ATRNL1: variants seen among roughly 807,000 people sequenced by gnomAD.
The protein encoded by ATRNL1 is attractin-like protein 1.
In ATRNL1, 95 loss-of-function variants were observed where a neutral mutation model predicts 182.7. That is an observed-to-expected ratio of 0.52 (90% confidence interval 0.44 to 0.62). The LOEUF is 0.62. Ranked by LOEUF, ATRNL1 falls within the 20% of genes least tolerant of loss-of-function variation. The probability of loss-of-function intolerance (pLI) is 0.00; values close to 1 mark genes in which losing one functional copy is unlikely to be tolerated. For synonymous variants in ATRNL1, 576 were observed against 568.3 expected, an observed-to-expected ratio of 1.01 and a Z score of -0.19; for missense variants, 1,471 against 1,679.5, an observed-to-expected ratio of 0.88 and a Z score of 2.17.
intron 26 of ATRNL1, among the ~76,000 whole-genome samples, chr10:115,559,730 G>A (rs140462161): frequency 2.6e-5 from 4 of 152,092 alleles, no homozygotes; most frequent in African/African-American, 9.7e-5. Context: ...CAACAAATTA[G>A]GAATGAAAAG....
intron 21 of ATRNL1, among the ~76,000 whole-genome samples, chr10:115,427,082 A>G (rs536819857): frequency 6.6e-6 from 1 of 152,216 alleles, no homozygotes; most frequent in South Asian, 2.1e-4. Context: ...GTACCATTTT[A>G]CATTCCCACC....
At chr10:115,658,634 A>C (rs1184634251) in intron 26 of ATRNL1, among the ~76,000 whole-genome samples, 1 of 152,122 alleles carries the variant, frequency 6.6e-6, no homozygotes, top group African/African-American at 2.4e-5. Flanking sequence ...GGAGGATATC[A>C]GTTCAGGCAC....
chr10:115,765,648 C>A (rs2960696), intron 27 of ATRNL1, among the ~76,000 whole-genome samples: 144,681 of 152,266 alleles, frequency 0.95, 69,155 homozygotes, highest in East Asian at 1. Context: ...TTAATGAAGT[C>A]TAGTTTATCA....
intron 8 of ATRNL1, among the ~76,000 whole-genome samples, chr10:115,184,867 C>T (rs1440143935): frequency 7.2e-5 from 11 of 151,890 alleles, no homozygotes; most frequent in Non-Finnish European, 1.6e-4. Context: ...CAGTATTTGA[C>T]TATGTGCTCT....
At chr10:115,316,574 A>G (rs180997840) in intron 18 of ATRNL1, among the ~76,000 whole-genome samples, 23 of 151,986 alleles carry the variant, frequency 1.5e-4, no homozygotes, top group African/African-American at 5.5e-4. Context: ...GCTAACATCT[A>G]TTGTTTCTTG....
At chr10:115,212,267 G>A (rs767708797) in intron 8 of ATRNL1, among the ~76,000 whole-genome samples, 20 of 148,174 alleles carry the variant, frequency 1.3e-4, no homozygotes, top group South Asian at 2.1e-4. Context: ...AGCCTATCCC[G>A]TTAGTTTTTA....
intron 26 of ATRNL1, among the ~76,000 whole-genome samples, chr10:115,608,401 G>A (rs2133958662): frequency 6.6e-6 from 1 of 152,134 alleles, no homozygotes; most frequent in South Asian, 2.1e-4. Flanking sequence ...TCTGAACTAT[G>A]AAGTTCTGTA....
At chr10:115,656,739 G>A (rs552827339) in intron 26 of ATRNL1, among the ~76,000 whole-genome samples, 26 of 152,276 alleles carry the variant, frequency 1.7e-4, no homozygotes, top group African/African-American at 6.0e-4. Flanking sequence ...TGACCCCCAA[G>A]TTGTGATTGT....
At chr10:115,639,816 G>T (rs73377515) in intron 26 of ATRNL1, among the ~76,000 whole-genome samples, 2,605 of 151,666 alleles carry the variant, frequency 0.017, 68 homozygotes, top group African/African-American at 0.059. Flanking sequence ...CAATTTTTTT[G>T]ATTATACTTT....
chr10:115,789,254 G>A (rs1949469610), intron 27 of ATRNL1, among the ~76,000 whole-genome samples: 1 of 152,156 alleles, frequency 6.6e-6, no homozygotes, highest in Admixed American at 6.5e-5. Context: ...AAATGAGAAA[G>A]GGTAGAAATA....
chr10:115,487,115 A>G (rs1849064942), intron 24 of ATRNL1, among the ~76,000 whole-genome samples: 1 of 152,136 alleles, frequency 6.6e-6, no homozygotes, highest in Non-Finnish European at 1.5e-5. Flanking sequence ...TTTTGGTACC[A>G]GTACCATGCT....
intron 17 of ATRNL1, among the ~76,000 whole-genome samples, chr10:115,306,957 A>G (rs1564897817): frequency 6.6e-6 from 1 of 152,140 alleles, no homozygotes; most frequent in Non-Finnish European, 1.5e-5. Context: ...TCAAATAATG[A>G]TAACTAAATA....
At chr10:115,613,082 A>G (rs1392396197) in intron 26 of ATRNL1, among the ~76,000 whole-genome samples, 2 of 152,230 alleles carry the variant, frequency 1.3e-5, no homozygotes, top group African/African-American at 4.8e-5. Flanking sequence ...CGCAACAAGT[A>G]TGTTTGAAAA....
chr10:115,256,180 T>G (rs1851124987), intron 10 of ATRNL1, among the ~76,000 whole-genome samples: 1 of 152,236 alleles, frequency 6.6e-6, no homozygotes, highest in Non-Finnish European at 1.5e-5. Flanking sequence ...TTCCCTCTTT[T>G]TCTATTGATT....
In ATRNL1 at chr10:115,674,103, C is replaced by T. The variant is rs180677505; in HGVS notation, c.3796-53145C>T. Among the ~76,000 whole-genome samples, 7 of 152,132 alleles carry T rather than the reference C, an allele frequency of 4.6e-5. No homozygotes were observed. In the East Asian group the frequency reaches 1.2e-3, roughly 25 times the overall value. On this transcript the variant is annotated intron_variant, in intron 26 of 28. Transcript: ENST00000355044. ...GAGAAAGCAAAGAGATCTTTGATGA[C>T]CAGAAGAAATATATTGCCACAGAGA...
intron 19 of ATRNL1, among the ~76,000 whole-genome samples, chr10:115,349,329 T>C (rs1433407056): frequency 6.6e-6 from 1 of 152,244 alleles, no homozygotes; most frequent in Admixed American, 6.5e-5. Flanking sequence ...CATTTGTGTA[T>C]ATATACCACA....
chr10:115,466,898 C>A (rs1413120503), intron 22 of ATRNL1, among the ~76,000 whole-genome samples: 1 of 150,912 alleles, frequency 6.6e-6, no homozygotes, highest in East Asian at 1.9e-4. Flanking sequence ...CAAAGAGAAT[C>A]CAAATAAAAA....
intron 26 of ATRNL1, among the ~76,000 whole-genome samples, chr10:115,647,117 A>G (rs1428672033): frequency 3.3e-5 from 5 of 151,982 alleles, no homozygotes; most frequent in Admixed American, 6.6e-5. Flanking sequence ...ATGTCCCTAC[A>G]AAGGACATGA....
intron 1 of ATRNL1, among the ~76,000 whole-genome samples, chr10:115,108,819 G>T (rs782238835): frequency 6.6e-6 from 1 of 152,126 alleles, no homozygotes; most frequent in Non-Finnish European, 1.5e-5. Context: ...CCATGCCCTT[G>T]TTCTCTGACT....
Sources: allele counts gnomAD v4.1 joint callset (sites outside exome capture counted in the v4.1 genomes callset), GRCh38; gene constraint gnomAD v4.1.1; transcripts MANE v1.5; gene names NCBI Gene and HGNC (gene_info 2026-07-23, HGNC 2026-07-21).